NRXN2: variants seen among roughly 807,000 people sequenced by gnomAD.
NRXN2 encodes the protein neurexin-2-beta.
In NRXN2, 29 loss-of-function variants were observed where a neutral mutation model predicts 128.8. The observed-to-expected ratio is 0.23, with a 90% CI of 0.17 to 0.31. The LOEUF (loss-of-function observed/expected upper bound fraction) is 0.31. NRXN2 is among the 10% of genes least tolerant of loss of function. The pLI, the probability that NRXN2 is intolerant of heterozygous loss-of-function variation, is 1.00. For synonymous variants in NRXN2, 1,098 were observed against 1,075.2 expected (o/e 1.02, Z -0.41); for missense variants, 1,881 against 2,452.6 (o/e 0.77, Z 4.92).
chr11:64,620,217 G>A, intron 22 of NRXN2, 77 bp downstream of exon 22: 1 of 1,198,694 alleles, frequency 8.3e-7, no homozygotes, highest in Non-Finnish European at 1.2e-6. Flanking sequence ...GCTTGGGCCA[G>A]GTGGCAGGGA....
chr11:64,651,874 C>T lies in NRXN2; in HGVS notation c.2536+161G>A, dbSNP rs2047502415. On this transcript the variant is annotated intron_variant, in intron 13 of 22. Coordinates refer to ENST00000265459, the MANE Select transcript of NRXN2 (RefSeq NM_015080.4). The surrounding 1 kb of genome is among the most constrained non-coding windows in gnomAD (Gnocchi z 5.9). ...AGGGAGTTGAAATCGTTCCTGGGGTCCAGATGCCCATAACATTCCACCCCT... is the reference window on the plus strand; with the variant it reads ...AGGGAGTTGAAATCGTTCCTGGGGTTCAGATGCCCATAACATTCCACCCCT... Among the ~76,000 whole-genome samples the T allele has an allele frequency of 6.6e-6, 1 of 152,138 alleles. No individual in the cohort carries two copies. Among genetic ancestry groups the T allele is most frequent in the Non-Finnish European group, 1.5e-5 (1 of 68,012 alleles).
chr11:64,659,533 C>T (rs571250798), intron 11 of NRXN2: 2 of 152,564 alleles, frequency 1.3e-5, no homozygotes, highest in Non-Finnish European at 1.5e-5. Flanking sequence ...CATGAGTGGC[C>T]TGAGGGGGAG....
rs769034476 is a variant in NRXN2 at position 64,630,398 on chromosome 11, C to A, written c.3757+4G>T. The A allele has an allele frequency of 6.2e-7, 1 of 1,609,458 alleles. No homozygotes were observed. The highest frequency in any genetic ancestry group is 1.7e-5 in the Admixed American group (1 of 59,910). The stretch of plus-strand genomic sequence containing the variant: ...CGCCTCCTCCGCGGGCCCGCGCCGC[C>A]TACCTGCCGGGTACCGCTCGTTGAC... On this transcript the variant is annotated splice_donor_region_variant and intron_variant, in intron 19 of 22. Coordinates refer to ENST00000265459, the MANE Select transcript of NRXN2 (RefSeq NM_015080.4). This position sits in a 1 kb window ranked among gnomAD's most constrained non-coding sequence, Gnocchi z 4.6.
chr11:64,721,049 G>C (rs2057420962), intron 1 of NRXN2, among the ~76,000 whole-genome samples: 1 of 152,036 alleles, frequency 6.6e-6, no homozygotes, highest in South Asian at 2.1e-4. Flanking sequence ...GGCACCTGGG[G>C]GAGGTCTCAA....
chr11:64,630,627 TCTAGTGG>T lies in NRXN2; in HGVS notation c.3586-61_3586-55del. On this transcript the variant is annotated intron_variant, in intron 18 of 22. Coordinates refer to ENST00000265459, the MANE Select transcript of NRXN2 (RefSeq NM_015080.4). The surrounding 1 kb of genome is among the most constrained non-coding windows in gnomAD (Gnocchi z 4.6). Reference sequence around the variant, plus strand: ...CCAGAGGGAGCAACCATTCATCCCTTCTAGTGGCTACTCCTGTGACCACCACTAGCCC... The same window carrying T: ...CCAGAGGGAGCAACCATTCATCCCTTCTACTCCTGTGACCACCACTAGCCC... 1 of 1,601,454 alleles carries T rather than the reference TCTAGTGG, an allele frequency of 6.2e-7. No homozygotes were observed. Among genetic ancestry groups the T allele is most frequent in the South Asian group, 1.1e-5 (1 of 90,562 alleles).
chr11:64,648,200 A>G lies in NRXN2; in HGVS notation c.3403+19T>C, dbSNP rs1439739118. 2 of 1,613,946 alleles carry G rather than the reference A, an allele frequency of 1.2e-6. No individual in the cohort carries two copies. Among genetic ancestry groups the G allele is most frequent in the Admixed American group, 3.3e-5 (2 of 59,996 alleles). On this transcript the variant is annotated intron_variant, in intron 17 of 22. Transcript: ENST00000265459. This position sits in a 1 kb window ranked among gnomAD's most constrained non-coding sequence, Gnocchi z 4.1. The stretch of plus-strand genomic sequence containing the variant: ...ACCCTGGTCTCCCCAAACTGCCCCC[A>G]GCCCTCCCAGGCACTCACGATCATT...
intron 22 of NRXN2, among the ~76,000 whole-genome samples, chr11:64,615,487 C>T (rs541575989): frequency 6.6e-6 from 1 of 152,218 alleles, no homozygotes; most frequent in Non-Finnish European, 1.5e-5. Flanking sequence ...CCTGCATGTG[C>T]CTCTGAGGGT....
intron 9 of NRXN2, among the ~76,000 whole-genome samples, chr11:64,663,212 A>T (rs566479870): frequency 6.6e-6 from 1 of 152,114 alleles, no homozygotes; most frequent in Non-Finnish European, 1.5e-5. Context: ...TCTACTAAAA[A>T]TACAAAAATT....
At position 64,623,071 on chromosome 11, in the gene NRXN2, C is replaced by T; in HGVS notation, c.3855G>A (p.Gln1285=). Residue 1285 remains glutamine, a synonymous_variant, in exon 21 of 23, where the codon CAG becomes CAA. Transcript: ENST00000265459. This position sits in a 1 kb window ranked among gnomAD's most constrained non-coding sequence, Gnocchi z 4.9. ...CAGCCTGGCTGTTGAAGATGGTCAG[C>T]TGGCGGCCTTGCAGGAGTGGAAGGG... ...VDEWLLDKGR[Q]LTIFNSQAAI... The T allele has an allele frequency of 1.2e-6, 2 of 1,601,106 alleles. No homozygotes were observed. The highest frequency in any genetic ancestry group is 1.7e-6 in the Non-Finnish European group (2 of 1,173,412).
Position 64,623,257 on chromosome 11 carries a change from C to T in NRXN2, c.3848-179G>A, listed in dbSNP as rs2042635280. 2 of 1,115,908 alleles carry T rather than the reference C, an allele frequency of 1.8e-6. No individual in the cohort carries two copies. Among genetic ancestry groups the T allele is most frequent in the Non-Finnish European group, 2.5e-6 (2 of 807,568 alleles). The allele number at this position is 1,115,908 out of a possible 1,614,324, so 69.1% of individuals were successfully genotyped here. A position where few individuals can be genotyped will look rare whatever the true frequency, so the allele number is the denominator to read the frequency against. On this transcript the variant is annotated intron_variant, in intron 20 of 22. Coordinates refer to ENST00000265459, the MANE Select transcript of NRXN2 (RefSeq NM_015080.4). This position sits in a 1 kb window ranked among gnomAD's most constrained non-coding sequence, Gnocchi z 4.9. ...AGAAAGCCAAAGGGAAAGTCCTTGT[C>T]AGCCACAGCCCCTAGCCCAGCCAGG...
intron 5 of NRXN2, 97 bp from the exon 6 acceptor site, chr11:64,686,044 G>GT: frequency 5.1e-6 from 7 of 1,380,936 alleles, no homozygotes; most frequent in Non-Finnish European, 6.1e-6. Flanking sequence ...ACTGGTCCTG[G>GT]GCACCAGGAG....
chr11:64,615,045 C>G (rs929254949), intron 22 of NRXN2, among the ~76,000 whole-genome samples: 1 of 152,212 alleles, frequency 6.6e-6, no homozygotes, highest in South Asian at 2.1e-4. Context: ...TTTCTGCTTC[C>G]TCCTCAGGGC....
At chr11:64,694,765 C>T (rs578029195) in intron 3 of NRXN2, among the ~76,000 whole-genome samples, 2 of 152,310 alleles carry the variant, frequency 1.3e-5, no homozygotes, top group Non-Finnish European at 2.9e-5. Flanking sequence ...AGGACCCAGA[C>T]CCAGAGCCCT....
In NRXN2 at chr11:64,648,600, T is replaced by C. The variant is rs1229820125; in HGVS notation, c.3283+134A>G. On this transcript the variant is annotated intron_variant, in intron 16 of 22. Transcript: ENST00000265459. This position sits in a 1 kb window ranked among gnomAD's most constrained non-coding sequence, Gnocchi z 4.1. ...CACCTGTATCCCTGCCCCAGAACTG[T>C]GGGGGCAAGCTCCCATAAGGCCTGA... 1 of 1,260,664 alleles carries C rather than the reference T, an allele frequency of 7.9e-7. No homozygotes were observed. The highest frequency in any genetic ancestry group is 1.1e-6 in the Non-Finnish European group (1 of 871,482). The allele number at this position is 1,260,664 out of a possible 1,614,324, so 78.1% of individuals were successfully genotyped here.
In NRXN2 at chr11:64,668,665, G is replaced by A; in HGVS notation, c.1198-61C>T. On this transcript the variant is annotated intron_variant, in intron 7 of 22. Coordinates refer to ENST00000265459, the MANE Select transcript of NRXN2 (RefSeq NM_015080.4). Reference sequence around the variant, plus strand: ...ACAACCAACATCAAATCCCTAGGAAGAGCTACGGCTAGGCAAAGGAGGGGC... The same window carrying A: ...ACAACCAACATCAAATCCCTAGGAAAAGCTACGGCTAGGCAAAGGAGGGGC... The A allele has an allele frequency of 1.9e-6, 3 of 1,597,228 alleles. No individual in the cohort carries two copies. In the South Asian group the frequency reaches 3.3e-5, roughly 18 times the overall value.
In NRXN2 at chr11:64,643,797, C is replaced by T. The variant is rs560263198; in HGVS notation, c.3403+4422G>A. Among the ~76,000 whole-genome samples the T allele has an allele frequency of 4.9e-3, 744 of 152,064 alleles. 20 individuals carry two copies. The highest frequency in any genetic ancestry group is 3.3e-3 in the South Asian group (16 of 4,814). On this transcript the variant is annotated intron_variant, in intron 17 of 22. Coordinates refer to ENST00000265459, the MANE Select transcript of NRXN2 (RefSeq NM_015080.4). ...GACGCGCGCGCTCCTCCTGCACCCC[C>T]CTCCTGGAGAAGGGACCCTGCTGAA...
At chr11:64,685,161 A>C (rs1386480134) in intron 6 of NRXN2, among the ~76,000 whole-genome samples, 1 of 152,092 alleles carries the variant, frequency 6.6e-6, no homozygotes, top group Non-Finnish European at 1.5e-5. Flanking sequence ...ACATTAACTC[A>C]GGCTTGCCTT....
intron 6 of NRXN2, among the ~76,000 whole-genome samples, chr11:64,684,526 C>T (rs919871658): frequency 2.6e-5 from 4 of 152,058 alleles, no homozygotes; most frequent in Non-Finnish European, 4.4e-5. Context: ...ACTGCGTTCT[C>T]CTGGCAAGGA....
Position 64,648,382 on chromosome 11 carries a change from C to T in NRXN2, c.3284-44G>A, listed in dbSNP as rs745360223. 1.1e-5 allele frequency: 18 copies of T among 1,613,374 alleles called. No individual in the cohort carries two copies. The highest frequency in any genetic ancestry group is 5.3e-5 in the African/African-American group (4 of 74,908). ...AGGAACACCCCTGGCTCAGCCAAGC[C>T]CCCTCTTTCCCCAGGAGGTGTGGAA... On this transcript the variant is annotated intron_variant, in intron 16 of 22. Coordinates refer to ENST00000265459, the MANE Select transcript of NRXN2 (RefSeq NM_015080.4). This position sits in a 1 kb window ranked among gnomAD's most constrained non-coding sequence, Gnocchi z 4.1.
Sources: gnomAD v4.1 joint callset for allele counts (sites outside exome capture counted in the v4.1 genomes callset) on GRCh38, gnomAD v4.1.1 for gene constraint, Gnocchi (gnomAD v3.1) non-coding constraint, MANE v1.5 for transcripts, NCBI Gene and HGNC (gene_info 2026-07-23, HGNC 2026-07-21) for gene names.